Variants in RSPO3 observed in about 807,000 individuals in gnomAD.
The protein encoded by RSPO3 is R-spondin 3, also known as R-spondin-3.
In RSPO3, 17 loss-of-function variants were observed where a neutral mutation model predicts 36.5. That is an observed-to-expected ratio of 0.47 (90% CI 0.32 to 0.70). RSPO3 has a LOEUF of 0.70. Ranked by LOEUF, RSPO3 falls within the 30% of genes least tolerant of loss-of-function variation. The pLI, the probability that RSPO3 is intolerant of heterozygous loss-of-function variation, is 0.04. For synonymous variants in RSPO3, 108 were observed against 107.0 expected (o/e 1.01, Z -0.06); for missense variants, 294 against 322.5 (o/e 0.91, Z 0.68).
chr6:127,138,224 C>T (rs1774201233), intron 1 of RSPO3, among the ~76,000 whole-genome samples: 1 of 151,900 alleles, frequency 6.6e-6, no homozygotes, highest in Non-Finnish European at 1.5e-5. Flanking sequence ...CCATATAGAC[C>T]TTTGGTTTCT....
At chr6:127,194,227 A>C (rs1775468284) in intron 4 of RSPO3, among the ~76,000 whole-genome samples, 2 of 152,202 alleles carry the variant, frequency 1.3e-5, no homozygotes, top group African/African-American at 4.8e-5. Context: ...CACTGAATTC[A>C]ATATTTGCAG....
intron 4 of RSPO3, among the ~76,000 whole-genome samples, chr6:127,188,265 G>T (rs1158955086): frequency 1.3e-5 from 2 of 152,176 alleles, no homozygotes; most frequent in African/African-American, 2.4e-5. Context: ...TGGTCCATTT[G>T]TAAGGAAGGT....
chr6:127,158,683 C>T (rs1057021236), intron 4 of RSPO3, among the ~76,000 whole-genome samples: 2 of 152,076 alleles, frequency 1.3e-5, no homozygotes, highest in African/African-American at 4.8e-5. Context: ...TACACACACA[C>T]ATTTTTCTTT....
At chr6:127,170,264 C>T (rs757432479) in intron 4 of RSPO3, among the ~76,000 whole-genome samples, 2 of 151,610 alleles carry the variant, frequency 1.3e-5, no homozygotes, top group Admixed American at 6.6e-5. Context: ...CAACAGAACC[C>T]TCTGCTCTGT....
intron 4 of RSPO3, among the ~76,000 whole-genome samples, chr6:127,158,905 C>A (rs575437847): frequency 6.6e-6 from 1 of 152,002 alleles, no homozygotes; most frequent in Non-Finnish European, 1.5e-5. Context: ...CTAGCTTGAA[C>A]TTAATTGAAT....
intron 1 of RSPO3, among the ~76,000 whole-genome samples, chr6:127,122,033 C>G (rs942653040): frequency 6.6e-6 from 1 of 152,136 alleles, no homozygotes; most frequent in African/African-American, 2.4e-5. Context: ...TAGTAGGAAA[C>G]TTTTTTGTAA....
intron 1 of RSPO3, among the ~76,000 whole-genome samples, chr6:127,120,698 G>C (rs976719108): frequency 1.2e-4 from 19 of 152,392 alleles, no homozygotes; most frequent in African/African-American, 3.4e-4. Flanking sequence ...GACAAGGTTT[G>C]ATTCACCTGA....
rs961793727 is a variant in RSPO3, at chr6:127,196,984, A to G, written c.*977A>G. The G allele has an allele frequency of 3.9e-5, 6 of 155,102 alleles. No individual in the cohort carries two copies. The highest frequency in any genetic ancestry group is 1.3e-4 in the Admixed American group (2 of 15,722). 9.6% of individuals were successfully genotyped at this position (155,102 alleles called of 1,614,324 possible). A position where few individuals can be genotyped will look rare whatever the true frequency, so the allele number is the denominator to read the frequency against. On this transcript the variant is annotated 3_prime_UTR_variant, in exon 5 of 5. Transcript: ENST00000356698. ...AAGGGATACTATTTTCTAACAAGGT[A>G]TATCTAGTAGGGGAGAAAGCCACCA...
chr6:127,193,850 G>A (rs1169556797), intron 4 of RSPO3, among the ~76,000 whole-genome samples: 1 of 152,150 alleles, frequency 6.6e-6, no homozygotes, highest in African/African-American at 2.4e-5. Context: ...ATTCTTTTAA[G>A]TGAAAAGAAT....
chr6:127,194,921 T>C (rs1261543335), intron 4 of RSPO3, among the ~76,000 whole-genome samples: 1 of 152,190 alleles, frequency 6.6e-6, no homozygotes, highest in Non-Finnish European at 1.5e-5. Context: ...GGGTTATTGA[T>C]CAGTTATAGT....
intron 4 of RSPO3, among the ~76,000 whole-genome samples, chr6:127,180,487 C>CAAAAAAAAAAAAAAAAAA (rs71543112): frequency 2.3e-5 from 1 of 42,618 alleles, no homozygotes; most frequent in Non-Finnish European, 4.2e-5. Flanking sequence ...TGGAAGAAAA[C>CAAAAAAAAAAAAAAAAAA]AAAAAAAAAA....
intron 4 of RSPO3, among the ~76,000 whole-genome samples, chr6:127,170,259 G>A (rs1774909088): frequency 6.6e-6 from 1 of 151,730 alleles, no homozygotes; most frequent in Non-Finnish European, 1.5e-5. Context: ...TTTAGCAACA[G>A]AACCCTCTGC....
intron 1 of RSPO3, among the ~76,000 whole-genome samples, chr6:127,125,286 G>A (rs900115080): frequency 1.6e-4 from 25 of 152,102 alleles, no homozygotes; most frequent in African/African-American, 5.8e-4. Flanking sequence ...CTGACCTTTA[G>A]AATTTAATTA....
Position 127,197,139 on chromosome 6 carries a change from GT to G in RSPO3, c.*1134del, listed in dbSNP as rs372202808. 161 of 263,246 alleles carry G rather than the reference GT, an allele frequency of 6.1e-4. No individual in the cohort carries two copies. The highest frequency in any genetic ancestry group is 2.8e-3 in the African/African-American group (126 of 45,540). The allele number at this position is 263,246 out of a possible 1,614,324, so 16.3% of individuals were successfully genotyped here. A position where few individuals can be genotyped will look rare whatever the true frequency, so the allele number is the denominator to read the frequency against. On this transcript the variant is annotated 3_prime_UTR_variant, in exon 5 of 5. Coordinates refer to ENST00000356698, the MANE Select transcript of RSPO3 (RefSeq NM_032784.5). ...GAATTCTGCTAACTCAGAGAACCTG[GT>G]TCCTATGTAATTCAGAATATATTAC...
chr6:127,188,135 G>A (rs1478467508), intron 4 of RSPO3, among the ~76,000 whole-genome samples: 1 of 152,114 alleles, frequency 6.6e-6, no homozygotes, highest in African/African-American at 2.4e-5. Flanking sequence ...GAATGAAAGG[G>A]TTATGGAAAC....
chr6:127,161,659 C>T (rs1368427079), intron 4 of RSPO3, among the ~76,000 whole-genome samples: 1 of 152,118 alleles, frequency 6.6e-6, no homozygotes, highest in African/African-American at 2.4e-5. Flanking sequence ...TTGGTGTGTA[C>T]CTCAGCATTC....
chr6:127,193,200 A>G (rs772778500), intron 4 of RSPO3, among the ~76,000 whole-genome samples: 21 of 152,202 alleles, frequency 1.4e-4, no homozygotes, highest in Non-Finnish European at 2.6e-4. Flanking sequence ...TTCCTTGGAC[A>G]TAAAGTTATA....
chr6:127,192,229 C>A (rs1458866086), intron 4 of RSPO3, among the ~76,000 whole-genome samples: 2 of 152,298 alleles, frequency 1.3e-5, no homozygotes, highest in Middle Eastern at 3.4e-3. Context: ...GTCTCCATAT[C>A]TAACTTATAT....
intron 4 of RSPO3, among the ~76,000 whole-genome samples, chr6:127,180,521 A>T (rs1326494027): frequency 6.9e-6 from 1 of 143,950 alleles, no homozygotes; most frequent in Non-Finnish European, 1.5e-5. Flanking sequence ...AAAAACCACC[A>T]GATCTTTGCA....
Sources: allele counts gnomAD v4.1 joint callset (sites outside exome capture counted in the v4.1 genomes callset), GRCh38; gene constraint gnomAD v4.1.1; transcripts MANE v1.5; gene names NCBI Gene and HGNC (gene_info 2026-07-23, HGNC 2026-07-21).